Variants in EYS observed in about 807,000 individuals in gnomAD.
The protein encoded by EYS is protein eyes shut homolog.
In EYS, 250 loss-of-function variants were observed where a neutral mutation model predicts 282.1. The ratio of observed to expected loss-of-function variants is 0.89; its 90% CI spans 0.80 to 0.98. The LOEUF (loss-of-function observed/expected upper bound fraction) is 0.98, where lower values mean the gene tolerates loss of function less well. Among genes scored for constraint, EYS ranks in the 50% least tolerant of loss-of-function variants. The pLI, the probability that EYS is intolerant of heterozygous loss-of-function variation, is 0.00. For missense variants in EYS, 4,016 were observed against 3,709.0 expected (o/e 1.08, Z -2.15); for synonymous variants, 1,355 against 1,282.9 (o/e 1.06, Z -1.20).
intron 22 of EYS, among the ~76,000 whole-genome samples, chr6:64,781,349 T>C (rs550710626): frequency 7.9e-5 from 12 of 152,232 alleles, no homozygotes; most frequent in African/African-American, 2.6e-4. Flanking sequence ...GTAATTCTAA[T>C]AGGCAGACAA....
intron 33 of EYS, among the ~76,000 whole-genome samples, chr6:64,044,208 C>T (rs1315436679): frequency 1.3e-5 from 2 of 152,174 alleles, no homozygotes; most frequent in African/African-American, 4.8e-5. Flanking sequence ...TATTTTCTAT[C>T]TTCCGTTTTA....
chr6:63,724,946 G>T (rs1215584729), intron 42 of EYS, among the ~76,000 whole-genome samples: 1 of 151,896 alleles, frequency 6.6e-6, no homozygotes, highest in African/African-American at 2.4e-5. Context: ...TCTTAGAGAA[G>T]GTACAAAGTA....
At chr6:64,041,669 C>T (rs1380010509) in intron 33 of EYS, among the ~76,000 whole-genome samples, 2 of 152,132 alleles carry the variant, frequency 1.3e-5, no homozygotes, top group African/African-American at 4.8e-5. Flanking sequence ...TCAGTACATA[C>T]CAATTTCCCT....
intron 18 of EYS, among the ~76,000 whole-genome samples, chr6:64,890,802 G>T (rs1296403845): frequency 6.6e-6 from 1 of 151,826 alleles, no homozygotes; most frequent in African/African-American, 2.4e-5. Context: ...AAAGTTTTTG[G>T]CATACAGACA....
Position 65,388,915 on chromosome 6 carries a change from C to A in EYS, c.1185-4415G>T, listed in dbSNP as rs533491306. ...AAACTATAGAGCCAATATATTTGTTCTTTTTCTTTCTCATTCAATCCGCTC... is the reference window on the plus strand; with the variant it reads ...AAACTATAGAGCCAATATATTTGTTATTTTTCTTTCTCATTCAATCCGCTC... On this transcript the variant is annotated intron_variant, in intron 7 of 42. Transcript: ENST00000503581. Among the ~76,000 whole-genome samples the A allele has an allele frequency of 5.3e-5, 8 of 152,044 alleles. 1 individual carries two copies. In the South Asian group the frequency reaches 1.2e-3, roughly 24 times the overall value.
At position 63,933,368 on chromosome 6, in the gene EYS, G is replaced by A. The variant is rs536441620; in HGVS notation, c.7055+51015C>T. Among the ~76,000 whole-genome samples, 7 of 152,022 alleles carry A rather than the reference G, an allele frequency of 4.6e-5. No individual in the cohort carries two copies. The East Asian group carries it at 5.8e-4, about 13-fold the overall frequency. ...ACTACAGGTACACACCATCACACGC[G>A]GCTAATTTTTGTACTTTTAGTAGAG... On this transcript the variant is annotated intron_variant, in intron 35 of 42. Coordinates refer to ENST00000503581, the MANE Select transcript of EYS (RefSeq NM_001142800.2).
intron 35 of EYS, among the ~76,000 whole-genome samples, chr6:63,909,420 T>C (rs1773860853): frequency 6.6e-6 from 1 of 152,238 alleles, no homozygotes; most frequent in African/African-American, 2.4e-5. Context: ...TACCGACATA[T>C]ATTTCTGACT....
chr6:63,954,637 G>T (rs1346273633), intron 35 of EYS, among the ~76,000 whole-genome samples: 1 of 152,174 alleles, frequency 6.6e-6, no homozygotes, highest in African/African-American at 2.4e-5. Flanking sequence ...TGCTGATAAG[G>T]TAGCTAAAAA....
chr6:64,309,491 T>A (rs1270554820), intron 29 of EYS, among the ~76,000 whole-genome samples: 3 of 152,250 alleles, frequency 2.0e-5, no homozygotes, highest in African/African-American at 7.2e-5. Context: ...GACCACTCTC[T>A]AGTTCTATCA....
At chr6:64,485,296 A>G (rs1425621848) in intron 26 of EYS, among the ~76,000 whole-genome samples, 2 of 151,610 alleles carry the variant, frequency 1.3e-5, no homozygotes, top group African/African-American at 2.4e-5. Flanking sequence ...ATGACAGAAG[A>G]TTGGGTTTTC....
chr6:65,331,475 T>A (rs1471518015), intron 11 of EYS: 33 of 883,396 alleles, frequency 3.7e-5, no homozygotes, highest in Non-Finnish European at 4.3e-5. Context: ...AGAAACTTAA[T>A]TTTATATAAA....
intron 12 of EYS, among the ~76,000 whole-genome samples, chr6:65,186,972 A>G (rs1394698761): frequency 6.6e-6 from 1 of 151,780 alleles, no homozygotes; most frequent in East Asian, 1.9e-4. Context: ...TAGCAGCCAA[A>G]GTAACAGCGT....
At chr6:65,139,689 G>A (rs79881214) in intron 12 of EYS, among the ~76,000 whole-genome samples, 6,566 of 152,092 alleles carry the variant, frequency 0.043, 201 homozygotes, top group Middle Eastern at 0.065. Context: ...CACTCCTCCC[G>A]TTCTTAGCCA....
intron 28 of EYS, among the ~76,000 whole-genome samples, chr6:64,414,226 A>G (rs1381300890): frequency 6.6e-6 from 1 of 152,204 alleles, no homozygotes; most frequent in Non-Finnish European, 1.5e-5. Context: ...AAGATATCAT[A>G]TACAAATAAA....
chr6:64,948,358 T>A (rs547745743), intron 14 of EYS, among the ~76,000 whole-genome samples: 17 of 150,860 alleles, frequency 1.1e-4, no homozygotes, highest in Admixed American at 8.0e-4. Flanking sequence ...CAACATTGAA[T>A]AATTGATTCC....
In EYS at chr6:63,984,664, G is replaced by A. The variant is rs1767272266; in HGVS notation, c.6835-61C>T. ...TGTTGTCAGATTATGTGGAAAAGAT[G>A]TAGGATGTTTGGTTCTGTAATTGGA... On this transcript the variant is annotated intron_variant, in intron 34 of 42. Coordinates refer to ENST00000503581, the MANE Select transcript of EYS (RefSeq NM_001142800.2). 2.2e-5 allele frequency: 28 copies of A among 1,274,652 alleles called. No individual in the cohort carries two copies. In the South Asian group the frequency reaches 3.4e-4, roughly 15 times the overall value. 79.0% of individuals were successfully genotyped at this position (1,274,652 alleles called of 1,614,324 possible).
intron 12 of EYS, among the ~76,000 whole-genome samples, chr6:65,201,141 C>T (rs1765889803): frequency 6.6e-6 from 1 of 152,084 alleles, no homozygotes; most frequent in African/African-American, 2.4e-5. Context: ...AGAAAGTTCT[C>T]AGTTTACTAT....
chr6:64,727,178 T>G (rs1771784492), intron 22 of EYS, among the ~76,000 whole-genome samples: 1 of 152,212 alleles, frequency 6.6e-6, no homozygotes, highest in African/African-American at 2.4e-5. Context: ...ATCGATACGC[T>G]CTTTAGAAGA....
chr6:63,950,048 C>G (rs1765523487), intron 35 of EYS, among the ~76,000 whole-genome samples: 1 of 152,056 alleles, frequency 6.6e-6, no homozygotes. Flanking sequence ...TGGCAGGCAC[C>G]TGTAATACCA....
Sources: gnomAD v4.1 joint callset for allele counts (sites outside exome capture counted in the v4.1 genomes callset) on GRCh38, gnomAD v4.1.1 for gene constraint, MANE v1.5 for transcripts, NCBI Gene and HGNC (gene_info 2026-07-23, HGNC 2026-07-21) for gene names.